Variants in APAF1 observed in about 807,000 individuals in gnomAD.
APAF1 encodes apoptotic protease-activating factor 1.
Under a neutral mutation model 152.4 loss-of-function variants are expected in APAF1, and 91 were observed. That is an observed-to-expected ratio of 0.60 (90% CI 0.50 to 0.71). The LOEUF (loss-of-function observed/expected upper bound fraction) is 0.71. Ranked by LOEUF, APAF1 falls within the 30% of genes least tolerant of loss-of-function variation. The pLI is 0.00. For synonymous variants in APAF1, 484 were observed against 494.1 expected (o/e 0.98, Z 0.27); for missense variants, 1,283 against 1,472.0 (o/e 0.87, Z 2.10).
chr12:98,679,797 G>A (rs2097690435), intron 13 of APAF1, among the ~76,000 whole-genome samples: 1 of 152,272 alleles, frequency 6.6e-6, no homozygotes, highest in Non-Finnish European at 1.5e-5. Flanking sequence ...GCTGGCACCT[G>A]GAGCTGCCTG....
intron 12 of APAF1, 81 bp downstream of exon 12, chr12:98,671,800 C>A: frequency 7.2e-7 from 1 of 1,379,598 alleles, no homozygotes. Context: ...ACGATCACTC[C>A]AGGAGGATTT....
In APAF1 at chr12:98,725,195, A is replaced by C. The variant is rs77954860; in HGVS notation, c.3331-220A>C. On this transcript the variant is annotated intron_variant, in intron 24 of 26. Coordinates refer to ENST00000551964, the MANE Select transcript of APAF1 (RefSeq NM_181861.2). ...CTGTCTAGGTCTAAATTAAGGAAGG[A>C]GTGACATTGATCCTTGAGCTGAATT... Among the ~76,000 whole-genome samples, 257 of 152,326 alleles carry C rather than the reference A, an allele frequency of 1.7e-3. 1 individual carries two copies. The highest frequency in any genetic ancestry group is 5.7e-3 in the African/African-American group (237 of 41,558).
Position 98,667,765 on chromosome 12 carries a change from A to ATTTTTT in APAF1, c.1494+140_1494+145dup, listed in dbSNP as rs71305589. On this transcript the variant is annotated intron_variant, in intron 10 of 26. Coordinates refer to ENST00000551964, the MANE Select transcript of APAF1 (RefSeq NM_181861.2). ...TTTTGTTCATATTGCTTTCCATTTGATTTTTTTTTTTTTTTTTTTTTTTTG... is the reference window on the plus strand; with the variant it reads ...TTTTGTTCATATTGCTTTCCATTTGATTTTTTTTTTTTTTTTTTTTTTTTTTTTTTG... 1.5e-3 allele frequency: 473 copies of ATTTTTT among 322,302 alleles called. 2 individuals are homozygous for ATTTTTT. The highest frequency in any genetic ancestry group is 3.6e-3 in the African/African-American group (87 of 24,484). 20.0% of individuals were successfully genotyped at this position (322,302 alleles called of 1,614,324 possible).
At chr12:98,714,016 A>G (rs1223677061) in intron 21 of APAF1, among the ~76,000 whole-genome samples, 1 of 152,364 alleles carries the variant, frequency 6.6e-6, no homozygotes, top group South Asian at 2.1e-4. Context: ...GGGATAAAGT[A>G]CATCATGGAT....
At chr12:98,674,675 C>G (rs2097684697) in intron 12 of APAF1, among the ~76,000 whole-genome samples, 1 of 152,132 alleles carries the variant, frequency 6.6e-6, no homozygotes, top group African/African-American at 2.4e-5. Context: ...TGAATCCCAG[C>G]TCTGCTATTG....
At chr12:98,698,684 A>G (rs976518427) in intron 16 of APAF1, among the ~76,000 whole-genome samples, 3 of 152,164 alleles carry the variant, frequency 2.0e-5, no homozygotes, top group African/African-American at 7.2e-5. Flanking sequence ...CCCAACCCCC[A>G]TCCTTCTCCG....
At chr12:98,651,180 A>G (rs1003698364) in intron 4 of APAF1, among the ~76,000 whole-genome samples, 21 of 152,204 alleles carry the variant, frequency 1.4e-4, no homozygotes, top group African/African-American at 5.1e-4. Flanking sequence ...GGACTGAGTT[A>G]TTCATATTCC....
At chr12:98,655,557 A>G (rs1421622178) in intron 4 of APAF1, among the ~76,000 whole-genome samples, 1 of 152,230 alleles carries the variant, frequency 6.6e-6, no homozygotes, top group Non-Finnish European at 1.5e-5. Flanking sequence ...TTTAAAAAGA[A>G]AAAGAAATAA....
At chr12:98,692,989 A>T (rs1214715725) in intron 16 of APAF1, among the ~76,000 whole-genome samples, 3 of 152,160 alleles carry the variant, frequency 2.0e-5, no homozygotes, top group African/African-American at 7.2e-5. Context: ...GTCACCGAAC[A>T]AATTTACATT....
intron 22 of APAF1, among the ~76,000 whole-genome samples, chr12:98,718,620 C>G (rs1168750212): frequency 6.6e-6 from 1 of 152,102 alleles, no homozygotes; most frequent in Non-Finnish European, 1.5e-5. Context: ...GCAGCTCGTT[C>G]TCTTATTTTC....
chr12:98,673,053 C>G (rs1429878191), intron 12 of APAF1, among the ~76,000 whole-genome samples: 1 of 152,144 alleles, frequency 6.6e-6, no homozygotes, highest in East Asian at 1.9e-4. Flanking sequence ...CCACTGCACC[C>G]GGCCTAAATT....
At chr12:98,667,418 T>C in intron 9 of APAF1, 95 bp from the exon 10 acceptor site, 2 of 1,501,450 alleles carry the variant, frequency 1.3e-6, no homozygotes, top group Admixed American at 1.7e-5. Context: ...GCCCGGCCTC[T>C]CTGTACATTC....
intron 16 of APAF1, among the ~76,000 whole-genome samples, chr12:98,691,843 G>C (rs966798145): frequency 6.6e-6 from 1 of 151,660 alleles, no homozygotes; most frequent in Admixed American, 6.6e-5. Context: ...AGCTATTCCT[G>C]CAGCATCTAA....
At chr12:98,660,604 C>T (rs117235066) in intron 5 of APAF1, among the ~76,000 whole-genome samples, 1 of 152,176 alleles carries the variant, frequency 6.6e-6, no homozygotes, top group Non-Finnish European at 1.5e-5. Flanking sequence ...AGAGTATAAC[C>T]TTGGATTCAG....
chr12:98,687,639 T>G (rs927611390), intron 16 of APAF1, among the ~76,000 whole-genome samples: 6 of 152,096 alleles, frequency 3.9e-5, no homozygotes, highest in African/African-American at 1.2e-4. Context: ...ATCAGGAACC[T>G]AGGTAATAGC....
chr12:98,701,732 G>C (rs1054064850), intron 17 of APAF1, among the ~76,000 whole-genome samples: 1 of 152,186 alleles, frequency 6.6e-6, no homozygotes, highest in Non-Finnish European at 1.5e-5. Context: ...CATGCTAAAA[G>C]AAAGCTACCC....
rs545146483 is a variant in APAF1 at position 98,679,196 on chromosome 12, G to A, written c.1921-1081G>A. Among the ~76,000 whole-genome samples the A allele has an allele frequency of 7.2e-5, 11 of 152,286 alleles. No homozygotes were observed. In the South Asian group the frequency reaches 2.3e-3, roughly 32 times the overall value. On this transcript the variant is annotated intron_variant, in intron 13 of 26. Transcript: ENST00000551964. Reference sequence around the variant, plus strand: ...AAAAGCCTCGGGCTTAGCCAGTGCTGAGCAGACACTGGGACAACCAGCTGC... The same window carrying A: ...AAAAGCCTCGGGCTTAGCCAGTGCTAAGCAGACACTGGGACAACCAGCTGC...
chr12:98,654,816 CTTTTTTTTTT>C (rs758991431), intron 4 of APAF1, among the ~76,000 whole-genome samples: 2 of 116,796 alleles, frequency 1.7e-5, no homozygotes, highest in Non-Finnish European at 3.5e-5. Context: ...GTAGTATTTT[CTTTTTTTTTT>C]TTTTTTTTTA....
intron 17 of APAF1, among the ~76,000 whole-genome samples, chr12:98,701,662 A>G (rs1287773528): frequency 6.6e-6 from 1 of 152,232 alleles, no homozygotes; most frequent in Non-Finnish European, 1.5e-5. Flanking sequence ...AGAGGAAGAT[A>G]ATTTTATATT....
Sources: allele counts gnomAD v4.1 joint callset (sites outside exome capture counted in the v4.1 genomes callset), GRCh38; gene constraint gnomAD v4.1.1; transcripts MANE v1.5; gene names NCBI Gene and HGNC (gene_info 2026-07-23, HGNC 2026-07-21).